Variants in COL24A1 observed in about 807,000 individuals in gnomAD.
COL24A1 encodes collagen type XXIV alpha 1 chain.
In COL24A1, 224 loss-of-function variants were observed where a neutral mutation model predicts 253.9. That is an observed-to-expected ratio of 0.88 (90% CI 0.79 to 0.99). COL24A1 has a LOEUF of 0.99. Among genes scored for constraint, COL24A1 ranks in the 50% least tolerant of loss-of-function variants. The pLI is 0.00. For synonymous variants in COL24A1, 685 were observed against 673.7 expected, an observed-to-expected ratio of 1.02 and a Z score of -0.26; for missense variants, 2,131 against 2,068.5, an observed-to-expected ratio of 1.03 and a Z score of -0.59.
At chr1:86,115,989 G>C (rs1706101194) in intron 3 of COL24A1, among the ~76,000 whole-genome samples, 1 of 152,168 alleles carries the variant, frequency 6.6e-6, no homozygotes, top group South Asian at 2.1e-4. Flanking sequence ...ACAGTGTTCT[G>C]AGTTATTTAA....
intron 5 of COL24A1, among the ~76,000 whole-genome samples, chr1:86,104,713 TTGTTCTC>T (rs1295423528): frequency 6.6e-6 from 1 of 152,220 alleles, no homozygotes; most frequent in East Asian, 1.9e-4. Flanking sequence ...GGCCTTGACT[TTGTTCTC>T]TGGCCCTTCA....
rs1446586065 is a variant in COL24A1 at position 86,092,518 on chromosome 1, C to G, written c.1600-198G>C. ...CTTATTTTTAAATGATGAGAAGATTCCTAAAAGTTCTCTAGACATAGTTGA... is the reference window on the plus strand; with the variant it reads ...CTTATTTTTAAATGATGAGAAGATTGCTAAAAGTTCTCTAGACATAGTTGA... On this transcript the variant is annotated intron_variant, in intron 5 of 59. Coordinates refer to ENST00000370571, the MANE Select transcript of COL24A1 (RefSeq NM_152890.7). Among the ~76,000 whole-genome samples the G allele has an allele frequency of 2.0e-5, 3 of 151,612 alleles. No homozygotes were observed. The East Asian group carries it at 5.8e-4, about 29-fold the overall frequency.
intron 12 of COL24A1, among the ~76,000 whole-genome samples, chr1:86,042,217 C>T (rs1390847250): frequency 6.6e-6 from 1 of 151,818 alleles, no homozygotes; most frequent in Admixed American, 6.6e-5. Context: ...GCTTAAAATA[C>T]AAGGAAGAAA....
At chr1:86,151,081 G>T (rs1652699468) in intron 1 of COL24A1, among the ~76,000 whole-genome samples, 1 of 151,544 alleles carries the variant, frequency 6.6e-6, no homozygotes. Flanking sequence ...TATATAAAGG[G>T]TTTGTATATA....
chr1:85,878,645 T>TA (rs1179573025), intron 32 of COL24A1, among the ~76,000 whole-genome samples: 1 of 152,198 alleles, frequency 6.6e-6, no homozygotes, highest in African/African-American at 2.4e-5. Flanking sequence ...CCTAGCTTCT[T>TA]AAAAAACTGC....
intron 52 of COL24A1, among the ~76,000 whole-genome samples, chr1:85,778,304 A>C (rs1237619423): frequency 3.3e-5 from 5 of 151,980 alleles, no homozygotes; most frequent in African/African-American, 1.2e-4. Flanking sequence ...GGATCTCACT[A>C]TATTGCCAAG....
intron 35 of COL24A1, among the ~76,000 whole-genome samples, chr1:85,872,511 C>A (rs1398253167): frequency 3.9e-5 from 6 of 152,032 alleles, no homozygotes. Context: ...TGGAACAGAA[C>A]AGAGCCCTCA....
intron 46 of COL24A1, 117 bp downstream of exon 46, chr1:85,817,916 TA>T: frequency 1.2e-6 from 1 of 853,100 alleles, no homozygotes; most frequent in Non-Finnish European, 1.9e-6. Flanking sequence ...TTAATTTTTT[TA>T]AAAGACAATC....
intron 55 of COL24A1, among the ~76,000 whole-genome samples, chr1:85,759,569 T>C (rs1309817802): frequency 6.6e-6 from 1 of 152,136 alleles, no homozygotes; most frequent in Non-Finnish European, 1.5e-5. Flanking sequence ...TCTGTTTTCA[T>C]ATTGGCCAAG....
intron 19 of COL24A1, among the ~76,000 whole-genome samples, chr1:86,003,755 G>A (rs1695660822): frequency 1.3e-5 from 2 of 151,330 alleles, no homozygotes; most frequent in South Asian, 2.1e-4. Flanking sequence ...CAATGGCATG[G>A]CTATCTGGTC....
At chr1:86,087,312 A>G (rs1326089635) in intron 7 of COL24A1, among the ~76,000 whole-genome samples, 2 of 152,212 alleles carry the variant, frequency 1.3e-5, no homozygotes, top group Non-Finnish European at 2.9e-5. Flanking sequence ...AAAAGAATAT[A>G]TTCTTACTAT....
At chr1:85,807,384 A>G (rs1053271239) in intron 47 of COL24A1, among the ~76,000 whole-genome samples, 1 of 152,204 alleles carries the variant, frequency 6.6e-6, no homozygotes, top group South Asian at 2.1e-4. Context: ...CTCTGATATA[A>G]ATGGGAACAC....
In COL24A1 at chr1:86,086,378, A is replaced by G. The variant is rs1571873726; in HGVS notation, c.1707+2796T>C. On this transcript the variant is annotated intron_variant, in intron 7 of 59. Coordinates refer to ENST00000370571, the MANE Select transcript of COL24A1 (RefSeq NM_152890.7). ...CATGCACATGTCCCTGACCTGAGAA[A>G]CAGCGTGGCAAGCCCACCCCTGACA... 2.0e-5 allele frequency among the ~76,000 whole-genome samples: 3 copies of G among 152,108 alleles called. No homozygotes were observed. In the South Asian group the frequency reaches 6.2e-4, roughly 32 times the overall value.
intron 58 of COL24A1, chr1:85,736,238 A>T (rs929612085): frequency 2.2e-6 from 1 of 451,964 alleles, no homozygotes; most frequent in Non-Finnish European, 4.5e-6. Context: ...CCAGTCCCTG[A>T]TTCCAAGTCT....
intron 55 of COL24A1, 100 bp from the exon 56 acceptor site, chr1:85,745,606 C>T: frequency 1.3e-6 from 1 of 796,188 alleles, no homozygotes; most frequent in South Asian, 2.0e-5. Context: ...TAAAGTATAC[C>T]AGACTTATTA....
At chr1:86,078,759 A>G (rs1256559985) in intron 7 of COL24A1, among the ~76,000 whole-genome samples, 1 of 152,176 alleles carries the variant, frequency 6.6e-6, no homozygotes, top group African/African-American at 2.4e-5. Context: ...TAAGTAAAAG[A>G]TCTCTATAAT....
At chr1:86,090,558 T>C (rs920664611) in intron 6 of COL24A1, among the ~76,000 whole-genome samples, 2 of 152,176 alleles carry the variant, frequency 1.3e-5, no homozygotes, top group African/African-American at 2.4e-5. Context: ...TAAAATACAA[T>C]TGTTTGCCCA....
At chr1:85,849,532 C>T in intron 37 of COL24A1, 126 bp from the exon 38 acceptor site, 2 of 729,530 alleles carry the variant, frequency 2.7e-6, no homozygotes, top group South Asian at 3.5e-5. Flanking sequence ...GGTTAATTTT[C>T]ACATTATTAG....
At chr1:86,127,259 A>C (rs561503545) in intron 2 of COL24A1, among the ~76,000 whole-genome samples, 161 of 152,226 alleles carry the variant, frequency 1.1e-3, no homozygotes, top group African/African-American at 3.8e-3. Context: ...TCTATTATGT[A>C]ATACGCATTT....
Sources: allele counts gnomAD v4.1 joint callset (sites outside exome capture counted in the v4.1 genomes callset), GRCh38; gene constraint gnomAD v4.1.1; transcripts MANE v1.5; gene names NCBI Gene and HGNC (gene_info 2026-07-23, HGNC 2026-07-21).